The following PCDH19 variants were observed in gnomAD, a reference collection of about 807,000 sequenced individuals.
PCDH19 encodes protocadherin-19.
PCDH19 carries 6 observed loss-of-function variants against 46.2 expected under a neutral mutation model. The observed-to-expected ratio is 0.13, with a 90% CI of 0.07 to 0.26. PCDH19 has a LOEUF of 0.26. Ranked by LOEUF, PCDH19 falls within the 10% of genes least tolerant of loss-of-function variation. PCDH19 has a pLI of 1.00. For synonymous variants in PCDH19, 481 were observed against 415.7 expected, an observed-to-expected ratio of 1.16 and a Z score of -1.91; for missense variants, 740 against 972.3, an observed-to-expected ratio of 0.76 and a Z score of 3.18.
At chrX:100,359,367 C>T (rs1926808968) in intron 3 of PCDH19, among the ~76,000 whole-genome samples, 1 of 112,016 alleles carries the variant, frequency 8.9e-6, no homozygotes, top group South Asian at 3.8e-4. Flanking sequence ...AAATCATTCT[C>T]CAGACCTAGC....
intron 5 of PCDH19, among the ~76,000 whole-genome samples, chrX:100,302,939 T>C (rs1231538193): frequency 3.6e-5 from 4 of 111,783 alleles, no homozygotes; most frequent in Non-Finnish European, 7.5e-5. Flanking sequence ...CCACCCCAGA[T>C]ACTGTGCAAC....
chrX:100,410,129 G>A lies in PCDH19; in HGVS notation c.-1532C>T. 1 of 297,702 alleles carries A rather than the reference G, an allele frequency of 3.4e-6. No individual in the cohort carries two copies. Among genetic ancestry groups the A allele is most frequent in the Non-Finnish European group, 5.9e-6 (1 of 170,377 alleles). 24.5% of individuals were successfully genotyped at this position (297,702 alleles called of 1,213,427 possible). ...CGCGCCAAGGGCCAGCGCCGGGCTAGGGACGCGGGTGCCAGTGCCTCCCGG... is the reference window on the plus strand; with the variant it reads ...CGCGCCAAGGGCCAGCGCCGGGCTAAGGACGCGGGTGCCAGTGCCTCCCGG... On this transcript the variant is annotated 5_prime_UTR_variant, in exon 1 of 6. Transcript: ENST00000373034.
At chrX:100,356,888 A>ATGACCT (rs1926735020) in intron 3 of PCDH19, among the ~76,000 whole-genome samples, 1 of 111,377 alleles carries the variant, frequency 9.0e-6, no homozygotes, top group African/African-American at 3.3e-5. Flanking sequence ...TAACTTACAG[A>ATGACCT]TGACCTTGGA....
intron 3 of PCDH19, among the ~76,000 whole-genome samples, chrX:100,379,840 T>C (rs948681058): frequency 1.8e-5 from 2 of 111,573 alleles, no homozygotes; most frequent in Non-Finnish European, 3.8e-5. Context: ...AGATGAGCCT[T>C]GCATGCCCTA....
At position 100,331,076 on chromosome X, in the gene PCDH19, T is replaced by C. The variant is rs990674492; in HGVS notation, c.2848+10827A>G. Among the ~76,000 whole-genome samples, 4 of 112,052 alleles carry C rather than the reference T, an allele frequency of 3.6e-5. No homozygotes were observed. The Middle Eastern group carries it at 0.014, about 384-fold the overall frequency. On this transcript the variant is annotated intron_variant, in intron 5 of 5. Coordinates refer to ENST00000373034, the MANE Select transcript of PCDH19 (RefSeq NM_001184880.2). ...TCACTGCCTTTCGAATTACCTATTT[T>C]ACACACCATCCTACACATACTTCCA...
intron 5 of PCDH19, among the ~76,000 whole-genome samples, chrX:100,334,147 C>T (rs973598885): frequency 1.8e-5 from 2 of 110,924 alleles, no homozygotes; most frequent in Non-Finnish European, 3.8e-5. Context: ...TATCAGACAA[C>T]TAAAAGTTCC....
chrX:100,325,852 T>C (rs951692166), intron 5 of PCDH19, among the ~76,000 whole-genome samples: 12 of 112,369 alleles, frequency 1.1e-4, no homozygotes, highest in Non-Finnish European at 1.9e-4. Context: ...AAGTTGTTTT[T>C]TTCATATCCC....
At chrX:100,402,033 A>G (rs777358078) in intron 3 of PCDH19, among the ~76,000 whole-genome samples, 1 of 112,365 alleles carries the variant, frequency 8.9e-6, no homozygotes, top group African/African-American at 3.2e-5. Context: ...GCCTATCCAT[A>G]TTCTCTCACC....
At chrX:100,363,183 A>G (rs1008178444) in intron 3 of PCDH19, among the ~76,000 whole-genome samples, 1 of 109,908 alleles carries the variant, frequency 9.1e-6, no homozygotes, top group East Asian at 2.9e-4. Context: ...GCATGCCTGT[A>G]ATCCCAGCTA....
At chrX:100,337,241 G>A (rs1000333555) in intron 5 of PCDH19, among the ~76,000 whole-genome samples, 2 of 111,489 alleles carry the variant, frequency 1.8e-5, no homozygotes, top group African/African-American at 3.3e-5. Flanking sequence ...GGGACAGAAG[G>A]CATCAGTTAA....
chrX:100,321,627 T>C (rs765898634), intron 5 of PCDH19, among the ~76,000 whole-genome samples: 1 of 110,288 alleles, frequency 9.1e-6, no homozygotes, highest in Non-Finnish European at 1.9e-5. Context: ...GTTTGTTTGT[T>C]TCTCATTGAT....
chrX:100,393,021 G>A (rs1219121099), intron 3 of PCDH19, among the ~76,000 whole-genome samples: 3 of 111,227 alleles, frequency 2.7e-5, no homozygotes, highest in Non-Finnish European at 3.8e-5. Flanking sequence ...GCTTGATACA[G>A]AATTGTGCCC....
At chrX:100,318,085 C>T (rs1925365634) in intron 5 of PCDH19, among the ~76,000 whole-genome samples, 1 of 112,031 alleles carries the variant, frequency 8.9e-6, no homozygotes, top group Admixed American at 9.5e-5. Flanking sequence ...GAAGTTAGCT[C>T]TTCTGAGTGA....
rs756152497 is a variant in PCDH19, at chrX:100,292,852, A to C, written c.*3425T>G. 2.7e-5 allele frequency: 3 copies of C among 111,946 alleles called. No individual in the cohort carries two copies. The Admixed American group carries it at 2.9e-4, about 11-fold the overall frequency. The allele number at this position is 111,946 out of a possible 1,213,427, so 9.2% of individuals were successfully genotyped here. On this transcript the variant is annotated 3_prime_UTR_variant, in exon 6 of 6. Transcript: ENST00000373034. ...CCGGGGTAAAGAGCCAAGTGGACCA[A>C]ACTTGTCAGAATGCTTTGGGGGAAC...
intron 5 of PCDH19, among the ~76,000 whole-genome samples, chrX:100,337,280 G>A (rs1441498176): frequency 2.7e-5 from 3 of 111,647 alleles, no homozygotes; most frequent in Non-Finnish European, 5.6e-5. Flanking sequence ...CCCAAGCTCA[G>A]CACCAAATTG....
intron 3 of PCDH19, among the ~76,000 whole-genome samples, chrX:100,387,048 TG>T (rs1266969705): frequency 9.0e-6 from 1 of 111,597 alleles, no homozygotes; most frequent in Non-Finnish European, 1.9e-5. Flanking sequence ...GTGAAGCATC[TG>T]TGTGAGTTTT....
chrX:100,341,845 CA>C, intron 5 of PCDH19, 57 bp downstream of exon 5: 1 of 1,083,050 alleles, frequency 9.2e-7, no homozygotes, highest in South Asian at 1.9e-5. Context: ...AGTGTGCCTA[CA>C]AACATTTTGG....
intron 3 of PCDH19, among the ~76,000 whole-genome samples, chrX:100,371,006 T>TGG (rs1260807985): frequency 1.7e-4 from 19 of 109,423 alleles, no homozygotes; most frequent in African/African-American, 6.0e-4. Context: ...TGTGTGTGTG[T>TGG]GTGTGTGTGT....
intron 3 of PCDH19, 43 bp from the exon 4 acceptor site, chrX:100,350,747 CA>C: frequency 1.1e-6 from 1 of 882,797 alleles, no homozygotes; most frequent in Non-Finnish European, 1.7e-6. Context: ...ACAGATGATT[CA>C]TAAGTAGATT....
Sources: gnomAD v4.1 joint callset for allele counts (sites outside exome capture counted in the v4.1 genomes callset) on GRCh38, gnomAD v4.1.1 for gene constraint, MANE v1.5 for transcripts, NCBI Gene and HGNC (gene_info 2026-07-23, HGNC 2026-07-21) for gene names.